The following CACNA2D2 variants were observed in gnomAD, a reference collection of about 807,000 sequenced individuals.
CACNA2D2 encodes the protein voltage-dependent calcium channel subunit alpha-2/delta-2.
CACNA2D2 carries 48 observed loss-of-function variants against 166.4 expected under a neutral mutation model. That is an observed-to-expected ratio of 0.29 (90% CI 0.23 to 0.37). The LOEUF is 0.37. Ranked by LOEUF, CACNA2D2 falls within the 10% of genes least tolerant of loss-of-function variation. The pLI is 1.00. For synonymous variants in CACNA2D2, 561 were observed against 573.7 expected (o/e 0.98, Z 0.32); for missense variants, 1,122 against 1,433.0 (o/e 0.78, Z 3.50).
At chr3:50,388,574 C>T (rs1349354302) in intron 4 of CACNA2D2, among the ~76,000 whole-genome samples, 3 of 152,252 alleles carry the variant, frequency 2.0e-5, no homozygotes, top group African/African-American at 7.2e-5. Context: ...CACCCAGGGG[C>T]TGGCTGTGAA....
intron 1 of CACNA2D2, among the ~76,000 whole-genome samples, chr3:50,485,034 C>G (rs1698220629): frequency 6.6e-6 from 1 of 152,224 alleles, no homozygotes; most frequent in Non-Finnish European, 1.5e-5. Context: ...TATGATGGGC[C>G]CGCCCAGGCC....
intron 5 of CACNA2D2, among the ~76,000 whole-genome samples, chr3:50,386,810 G>T (rs991503487): frequency 1.3e-5 from 2 of 152,230 alleles, no homozygotes; most frequent in Non-Finnish European, 2.9e-5. Context: ...AGAGGGGACT[G>T]TTGGGTCCAA....
chr3:50,445,556 C>A lies in CACNA2D2; in HGVS notation c.289-11127G>T, dbSNP rs201836955. 3.3e-5 allele frequency among the ~76,000 whole-genome samples: 5 copies of A among 152,284 alleles called. No homozygotes were observed. In the East Asian group the frequency reaches 9.6e-4, roughly 29 times the overall value. On this transcript the variant is annotated intron_variant, in intron 2 of 37. Transcript: ENST00000424201. ...TGAATTTTATGTATCCTTGTAAGTG[C>A]CCTTAAGTCTTCTGTAGAACAAGTC...
At chr3:50,369,707 G>A (rs1254710648) in intron 23 of CACNA2D2, among the ~76,000 whole-genome samples, 1 of 152,248 alleles carries the variant, frequency 6.6e-6, no homozygotes, top group Non-Finnish European at 1.5e-5. Context: ...GTGTGTACAT[G>A]AGAACGTGTG....
intron 1 of CACNA2D2, among the ~76,000 whole-genome samples, chr3:50,483,383 C>A (rs1698138576): frequency 6.6e-6 from 1 of 152,210 alleles, no homozygotes; most frequent in African/African-American, 2.4e-5. Flanking sequence ...CTCTCTCGAC[C>A]ATGTGTGCCT....
rs1261476029 is a variant in CACNA2D2 at position 50,365,839 on chromosome 3, G to A, written c.2886C>T (p.Asn962=). Residue 962 remains asparagine, a synonymous_variant, in exon 33 of 38, where the codon AAC becomes AAT. Coordinates refer to ENST00000424201, the MANE Select transcript of CACNA2D2 (RefSeq NM_006030.4). The surrounding 1 kb of genome is among the most constrained non-coding windows in gnomAD (Gnocchi z 4.5). ...VFVPTVADFL[N]LAWWTSAAAW... The stretch of plus-strand genomic sequence containing the variant: ...CGGCAGCAGAGGTCCACCAGGCCAG[G>A]TTAAGGAAATCTGCAACGGTGGGCT... 3 of 1,613,280 alleles carry A rather than the reference G, an allele frequency of 1.9e-6. No individual in the cohort carries two copies. The highest frequency in any genetic ancestry group is 2.7e-5 in the African/African-American group (2 of 74,924).
intron 3 of CACNA2D2, among the ~76,000 whole-genome samples, chr3:50,421,843 G>C (rs920446506): frequency 1.3e-5 from 2 of 152,172 alleles, no homozygotes; most frequent in Non-Finnish European, 2.9e-5. Flanking sequence ...GAAAGGCCAT[G>C]CCCTCTGACC....
intron 1 of CACNA2D2, among the ~76,000 whole-genome samples, chr3:50,501,307 G>C (rs1159012342): frequency 6.6e-6 from 1 of 152,188 alleles, no homozygotes; most frequent in Non-Finnish European, 1.5e-5. Flanking sequence ...AAGGGCACTG[G>C]CTGTCACAGC....
chr3:50,400,118 G>A (rs1706367799), intron 3 of CACNA2D2, among the ~76,000 whole-genome samples: 2 of 152,232 alleles, frequency 1.3e-5, no homozygotes, highest in South Asian at 4.1e-4. Flanking sequence ...GGTCTAATGA[G>A]TAAATAATAT....
chr3:50,490,089 C>A (rs572972354), intron 1 of CACNA2D2, among the ~76,000 whole-genome samples: 1 of 151,954 alleles, frequency 6.6e-6, no homozygotes. Context: ...GTGGAGTGGG[C>A]GGCAGGGCAG....
intron 2 of CACNA2D2, among the ~76,000 whole-genome samples, chr3:50,461,615 G>C (rs1462581545): frequency 6.6e-6 from 1 of 152,008 alleles, no homozygotes; most frequent in East Asian, 1.9e-4. Flanking sequence ...ACAAAAATGA[G>C]CTGGGCGTGG....
chr3:50,416,938 T>G (rs529859782), intron 3 of CACNA2D2, among the ~76,000 whole-genome samples: 3 of 152,192 alleles, frequency 2.0e-5, no homozygotes, highest in Non-Finnish European at 4.4e-5. Flanking sequence ...TGTGCACATG[T>G]ATCCCATTCA....
intron 6 of CACNA2D2, among the ~76,000 whole-genome samples, chr3:50,383,948 C>A (rs1384224486): frequency 6.6e-6 from 1 of 152,204 alleles, no homozygotes; most frequent in Non-Finnish European, 1.5e-5. Context: ...GGGCAGGAGA[C>A]CATGCATGCA....
At chr3:50,402,315 C>T (rs957548972) in intron 3 of CACNA2D2, among the ~76,000 whole-genome samples, 2 of 152,168 alleles carry the variant, frequency 1.3e-5, no homozygotes, top group African/African-American at 4.8e-5. Flanking sequence ...GAGTGAAACC[C>T]ACCCTCTAGA....
At chr3:50,391,688 G>A (rs1363782014) in intron 4 of CACNA2D2, among the ~76,000 whole-genome samples, 2 of 152,214 alleles carry the variant, frequency 1.3e-5, no homozygotes. Context: ...TGGAGTTGTG[G>A]GCATGTGGAT....
At chr3:50,400,305 C>T (rs1706383818) in intron 3 of CACNA2D2, among the ~76,000 whole-genome samples, 1 of 152,232 alleles carries the variant, frequency 6.6e-6, no homozygotes, top group Non-Finnish European at 1.5e-5. Flanking sequence ...CTGCTTCGGC[C>T]TTGAGCAGAC....
In CACNA2D2 at chr3:50,451,937, G is replaced by A. The variant is rs185230408; in HGVS notation, c.289-17508C>T. Reference sequence around the variant, plus strand: ...CCCGAGGCCTCAGCGCTGGCAAGAGGCATAACCAGAACCTGGGTCCAAGCT... The same window carrying A: ...CCCGAGGCCTCAGCGCTGGCAAGAGACATAACCAGAACCTGGGTCCAAGCT... On this transcript the variant is annotated intron_variant, in intron 2 of 37. Coordinates refer to ENST00000424201, the MANE Select transcript of CACNA2D2 (RefSeq NM_006030.4). Among the ~76,000 whole-genome samples the A allele has an allele frequency of 3.1e-3, 476 of 152,320 alleles. 1 individual carries two copies. Among genetic ancestry groups the A allele is most frequent in the African/African-American group, 0.011 (438 of 41,560 alleles).
rs924520195 is a variant in CACNA2D2 at position 50,438,432 on chromosome 3, C to T, written c.289-4003G>A. Among the ~76,000 whole-genome samples, 16 of 152,168 alleles carry T rather than the reference C, an allele frequency of 1.1e-4. 1 individual carries two copies. Among genetic ancestry groups the T allele is most frequent in the African/African-American group, 2.9e-4 (12 of 41,440 alleles). ...CCTCCATCCTAGGGCTTCACAGGGC[C>T]GTGGGGGCTGATGCCTCCTTAGAAG... On this transcript the variant is annotated intron_variant, in intron 2 of 37. Coordinates refer to ENST00000424201, the MANE Select transcript of CACNA2D2 (RefSeq NM_006030.4).
At chr3:50,390,965 G>A (rs1705859588) in intron 4 of CACNA2D2, among the ~76,000 whole-genome samples, 1 of 152,238 alleles carries the variant, frequency 6.6e-6, no homozygotes, top group South Asian at 2.1e-4. Context: ...AGGACGCTTG[G>A]CCTTCCTGCC....
Sources: allele counts gnomAD v4.1 joint callset (sites outside exome capture counted in the v4.1 genomes callset), GRCh38; gene constraint gnomAD v4.1.1; non-coding constraint Gnocchi (gnomAD v3.1); transcripts MANE v1.5; gene names NCBI Gene and HGNC (gene_info 2026-07-23, HGNC 2026-07-21).